MINDY2: variants seen among roughly 807,000 people sequenced by gnomAD.
The protein encoded by MINDY2 is ubiquitin carboxyl-terminal hydrolase MINDY-2.
A neutral mutation model predicts 68.2 loss-of-function variants in MINDY2; 52 were observed. The ratio of observed to expected loss-of-function variants is 0.76; its 90% CI spans 0.61 to 0.96. The LOEUF is 0.96. MINDY2 is among the 40% of genes least tolerant of loss of function. The pLI, the probability that MINDY2 is intolerant of heterozygous loss-of-function variation, is 0.00. For synonymous variants in MINDY2, 372 were observed against 303.0 expected, an observed-to-expected ratio of 1.23 and a Z score of -2.36; for missense variants, 881 against 773.4, an observed-to-expected ratio of 1.14 and a Z score of -1.65.
At chr15:58,839,315 A>G (rs1178313841) in intron 6 of MINDY2, among the ~76,000 whole-genome samples, 1 of 89,512 alleles carries the variant, frequency 1.1e-5, no homozygotes, top group African/African-American at 6.3e-5. Flanking sequence ...GTTAAGTTAG[A>G]CTGTTTTTTT....
Position 58,787,920 on chromosome 15 carries a change from G to T in MINDY2, c.855G>T (p.Pro285=). Residue 285 remains proline, a synonymous_variant, in exon 2 of 9, where the codon CCG becomes CCT. Coordinates refer to ENST00000559228, the MANE Select transcript of MINDY2 (RefSeq NM_001040450.3). ...LLLAWKVKLP[P]MMEIITAEQL... Reference sequence around the variant, plus strand: ...TTGTTTTTCAGGTGAAACTTCCACCGATGATGGAAATCATAACTGCTGAGC... The same window carrying T: ...TTGTTTTTCAGGTGAAACTTCCACCTATGATGGAAATCATAACTGCTGAGC... 6.3e-7 allele frequency: 1 copy of T among 1,594,150 alleles called. No individual in the cohort carries two copies. Among genetic ancestry groups the T allele is most frequent in the Non-Finnish European group, 8.5e-7 (1 of 1,170,966 alleles).
intron 2 of MINDY2, among the ~76,000 whole-genome samples, chr15:58,801,191 C>G (rs1305921945): frequency 6.6e-6 from 1 of 151,632 alleles, no homozygotes; most frequent in Non-Finnish European, 1.5e-5. Flanking sequence ...CCAGGCTGGT[C>G]TTAAACTCCT....
chr15:58,800,834 CAAAAA>C (rs59075081), intron 2 of MINDY2, among the ~76,000 whole-genome samples: 3 of 109,252 alleles, frequency 2.7e-5, no homozygotes, highest in Admixed American at 9.6e-5. Context: ...GACTCTGTCT[CAAAAA>C]AAAAAAAAAA....
At chr15:58,828,575 CTT>C (rs1163905877) in intron 5 of MINDY2, among the ~76,000 whole-genome samples, 10 of 106,114 alleles carry the variant, frequency 9.4e-5, no homozygotes, top group African/African-American at 2.2e-4. Context: ...TATTGAATTT[CTT>C]TTTTTTTTTT....
At chr15:58,813,392 A>T (rs1483339624) in intron 4 of MINDY2, among the ~76,000 whole-genome samples, 1 of 152,118 alleles carries the variant, frequency 6.6e-6, no homozygotes, top group South Asian at 2.1e-4. Flanking sequence ...CTACTTGGGG[A>T]GGCTGAGGCA....
At position 58,838,701 on chromosome 15, in the gene MINDY2, C is replaced by T. The variant is rs189582613; in HGVS notation, c.1368+6785C>T. Among the ~76,000 whole-genome samples, 3 of 149,270 alleles carry T rather than the reference C, an allele frequency of 2.0e-5. No homozygotes were observed. In the Middle Eastern group the frequency reaches 0.011, roughly 541 times the overall value. Reference sequence around the variant, plus strand: ...TCTCAGGTTCAAGCGATTGTCCTGCCTCAGCCTCCCAAGTAGTTGGGATTA... The same window carrying T: ...TCTCAGGTTCAAGCGATTGTCCTGCTTCAGCCTCCCAAGTAGTTGGGATTA... On this transcript the variant is annotated intron_variant, in intron 6 of 8. Transcript: ENST00000559228.
At chr15:58,832,330 G>A (rs981380783) in intron 6 of MINDY2, among the ~76,000 whole-genome samples, 1 of 149,036 alleles carries the variant, frequency 6.7e-6, no homozygotes, top group Non-Finnish European at 1.5e-5. Flanking sequence ...AGGTTCAGGC[G>A]CTTCTCCTAC....
chr15:58,820,181 G>C (rs555380040), intron 4 of MINDY2, among the ~76,000 whole-genome samples: 1 of 151,940 alleles, frequency 6.6e-6, no homozygotes, highest in Non-Finnish European at 1.5e-5. Flanking sequence ...CAGGAGAGTC[G>C]CTTGAACCCA....
chr15:58,799,565 C>A (rs1311613745), intron 2 of MINDY2, among the ~76,000 whole-genome samples: 4 of 130,058 alleles, frequency 3.1e-5, no homozygotes, highest in African/African-American at 1.3e-4. Context: ...GGCGACAGAG[C>A]GAGACTCCAT....
Position 58,838,330 on chromosome 15 carries a change from G to A in MINDY2, c.1368+6414G>A, listed in dbSNP as rs541358180. On this transcript the variant is annotated intron_variant, in intron 6 of 8. Coordinates refer to ENST00000559228, the MANE Select transcript of MINDY2 (RefSeq NM_001040450.3). ...GGAGAATCGCTTGAATCCAGGAGGC[G>A]GAGGTTGTAGTGAGCCAAGATCATG... Among the ~76,000 whole-genome samples the A allele has an allele frequency of 5.9e-5, 9 of 151,408 alleles. No individual in the cohort carries two copies. In the South Asian group the frequency reaches 6.3e-4, roughly 11 times the overall value.
intron 6 of MINDY2, among the ~76,000 whole-genome samples, chr15:58,842,877 G>A (rs1286139412): frequency 6.6e-6 from 1 of 152,084 alleles, no homozygotes; most frequent in Non-Finnish European, 1.5e-5. Context: ...TAGCTTATCA[G>A]CATTTCCAGT....
rs2032583614 is a variant in MINDY2, at chr15:58,847,302, A to G, written c.1374A>G (p.Gln458=). The G allele has an allele frequency of 1.3e-6, 2 of 1,569,464 alleles. No homozygotes were observed. The highest frequency in any genetic ancestry group is 2.3e-5 in the East Asian group (1 of 43,862). The change falls in exon 7 of 9, where the codon CAA becomes CAG. Residue 458 remains glutamine, a synonymous_variant. Transcript: ENST00000559228. ...HFSTMTKYKG[Q]LYLLVTDQGF... ...TTTTGTTACTTCTTATTAAGGGTCA[A>G]CTGTATTTGTTGGTAACGGACCAGG...
intron 2 of MINDY2, among the ~76,000 whole-genome samples, chr15:58,798,835 G>A (rs1315437313): frequency 1.3e-5 from 2 of 152,150 alleles, no homozygotes; most frequent in Non-Finnish European, 2.9e-5. Flanking sequence ...GGCTGTGTAA[G>A]TATACTCTAA....
At position 58,771,517 on chromosome 15, in the gene MINDY2, C is replaced by A; in HGVS notation, c.122C>A (p.Pro41His). 5 of 1,612,228 alleles carry A rather than the reference C, an allele frequency of 3.1e-6. No homozygotes were observed. The highest frequency in any genetic ancestry group is 4.2e-6 in the Non-Finnish European group (5 of 1,179,728). Residue 41 changes from proline to histidine, a missense_variant, in exon 1 of 9, where the codon CCT (proline) becomes CAT (histidine). By Grantham distance (77) the Pro-to-His change is moderately conservative. Coordinates refer to ENST00000559228, the MANE Select transcript of MINDY2 (RefSeq NM_001040450.3). The part of the protein sequence containing the change: ...QETRLAAGDG[P>H]GVWAAETSGG... ...ACCAGGCTCGCCGCTGGTGATGGTC[C>A]TGGGGTATGGGCGGCGGAGACCAGC...
At chr15:58,791,179 CAA>C (rs35764277) in intron 2 of MINDY2, among the ~76,000 whole-genome samples, 7 of 67,876 alleles carry the variant, frequency 1.0e-4, no homozygotes, top group Admixed American at 1.7e-4. Context: ...GACTCCTTCT[CAA>C]AAAAAAAAAA....
rs771764241 is a variant in MINDY2 at position 58,771,370 on chromosome 15, A to G, written c.-26A>G. On this transcript the variant is annotated 5_prime_UTR_variant, in exon 1 of 9. Coordinates refer to ENST00000559228, the MANE Select transcript of MINDY2 (RefSeq NM_001040450.3). ...CTGCGGAGAAGTGGCCGCGGTCTCC[A>G]TAGAGCTGGGGGCGGGCGGCCCGGT... 47 of 1,588,862 alleles carry G rather than the reference A, an allele frequency of 3.0e-5. No individual in the cohort carries two copies. The highest frequency in any genetic ancestry group is 3.8e-5 in the Non-Finnish European group (45 of 1,169,866).
intron 5 of MINDY2, 88 bp downstream of exon 5, chr15:58,821,907 A>T: frequency 1.2e-6 from 1 of 837,392 alleles, no homozygotes; most frequent in Non-Finnish European, 1.8e-6. Flanking sequence ...TTTCTTAAAT[A>T]AGACTTCTAA....
At chr15:58,790,952 G>A (rs1309974136) in intron 2 of MINDY2, among the ~76,000 whole-genome samples, 1 of 151,908 alleles carries the variant, frequency 6.6e-6, no homozygotes, top group African/African-American at 2.4e-5. Context: ...GGCCGAGGCA[G>A]GCAGATCATG....
intron 6 of MINDY2, among the ~76,000 whole-genome samples, chr15:58,842,745 G>A (rs1313721506): frequency 6.6e-6 from 1 of 152,138 alleles, no homozygotes; most frequent in Non-Finnish European, 1.5e-5. Context: ...ACTATATTAA[G>A]CATTTTATAT....
Sources: allele counts gnomAD v4.1 joint callset (sites outside exome capture counted in the v4.1 genomes callset), GRCh38; gene constraint gnomAD v4.1.1; transcripts MANE v1.5; gene names NCBI Gene and HGNC (gene_info 2026-07-23, HGNC 2026-07-21).